The following SPOCK3 variants were observed in gnomAD, a reference collection of about 807,000 sequenced individuals.
The protein encoded by SPOCK3 is testican-3.
SPOCK3 carries 30 observed loss-of-function variants against 56.6 expected under a neutral mutation model. That is an observed-to-expected ratio of 0.53 (90% confidence interval 0.40 to 0.72). The LOEUF (loss-of-function observed/expected upper bound fraction) is 0.72. Ranked by LOEUF, SPOCK3 falls within the 30% of genes least tolerant of loss-of-function variation. The pLI is 0.00. For missense variants in SPOCK3, 527 were observed against 530.0 expected (o/e 0.99, Z 0.06); for synonymous variants, 196 against 183.3 (o/e 1.07, Z -0.56).
intron 6 of SPOCK3, among the ~76,000 whole-genome samples, chr4:166,845,878 C>T (rs191148495): frequency 1.1e-4 from 17 of 152,228 alleles, no homozygotes; most frequent in East Asian, 9.7e-4. Context: ...TTGGTCCTTT[C>T]GTGAACATCA....
At chr4:166,955,821 G>T (rs1041348521) in intron 4 of SPOCK3, among the ~76,000 whole-genome samples, 3 of 151,184 alleles carry the variant, frequency 2.0e-5, no homozygotes, top group Admixed American at 2.0e-4. Context: ...TTCCCTCTTA[G>T]GTGACTCACA....
intron 2 of SPOCK3, among the ~76,000 whole-genome samples, chr4:167,161,820 C>T (rs1405864460): frequency 1.4e-5 from 2 of 137,982 alleles, no homozygotes; most frequent in Admixed American, 1.7e-4. Context: ...TGTTCTCACT[C>T]ATAGGTGGGA....
At chr4:167,039,627 G>A (rs1221960889) in intron 3 of SPOCK3, among the ~76,000 whole-genome samples, 2 of 151,474 alleles carry the variant, frequency 1.3e-5, no homozygotes, top group East Asian at 3.9e-4. Context: ...AATTTAAAAT[G>A]AGTAGAGGAT....
intron 3 of SPOCK3, among the ~76,000 whole-genome samples, chr4:167,060,141 T>TAG (rs991550955): frequency 6.6e-6 from 1 of 151,386 alleles, no homozygotes; most frequent in African/African-American, 2.4e-5. Context: ...CCCTAAAACT[T>TAG]AAAGTATAAT....
At chr4:167,111,309 A>T (rs79017560) in intron 2 of SPOCK3, among the ~76,000 whole-genome samples, 7,103 of 152,126 alleles carry the variant, frequency 0.047, 227 homozygotes, top group African/African-American at 0.082. Context: ...CATATTTTGC[A>T]ATTGCAGCAC....
Position 166,877,491 on chromosome 4 carries a change from C to T in SPOCK3, c.589+11639G>A, listed in dbSNP as rs182539194. ...TAAGCTAAATACAAATAAATATAAA[C>T]GTATTATTAGGCAAATGTAACAGTA... is the stretch of plus-strand genomic sequence containing the variant. On this transcript the variant is annotated intron_variant, in intron 6 of 10. Coordinates refer to ENST00000357545, the MANE Select transcript of SPOCK3 (RefSeq NM_001040159.2). Among the ~76,000 whole-genome samples the T allele has an allele frequency of 7.2e-5, 11 of 151,938 alleles. No individual in the cohort carries two copies. The East Asian group carries it at 1.4e-3, about 19-fold the overall frequency.
intron 5 of SPOCK3, among the ~76,000 whole-genome samples, chr4:166,907,684 T>G (rs1294861761): frequency 1.3e-5 from 2 of 151,964 alleles, no homozygotes; most frequent in Non-Finnish European, 2.9e-5. Context: ...GAGGTTTACC[T>G]CGCAGAATAT....
chr4:167,229,539 G>A, intron 2 of SPOCK3, among the ~76,000 whole-genome samples: 1 of 152,004 alleles, frequency 6.6e-6, no homozygotes, highest in African/African-American at 2.4e-5. Context: ...CTAAGTTCCA[G>A]GAAATATCCC....
rs141383759 is a variant in SPOCK3 at position 166,850,795 on chromosome 4, C to T, written c.589+38335G>A. On this transcript the variant is annotated intron_variant, in intron 6 of 10. Coordinates refer to ENST00000357545, the MANE Select transcript of SPOCK3 (RefSeq NM_001040159.2). ...AACGGTGCAACAGGAGATTATATCCCGCACCTGGCTCGGAGGGTCCTACAC... is the reference window on the plus strand; with the variant it reads ...AACGGTGCAACAGGAGATTATATCCTGCACCTGGCTCGGAGGGTCCTACAC... 7.8e-4 allele frequency among the ~76,000 whole-genome samples: 119 copies of T among 152,278 alleles called. 3 individuals carry two copies. The East Asian group carries it at 0.022, about 28-fold the overall frequency.
At chr4:167,011,754 G>GT (rs1417863675) in intron 3 of SPOCK3, among the ~76,000 whole-genome samples, 9 of 152,026 alleles carry the variant, frequency 5.9e-5, no homozygotes, top group African/African-American at 2.2e-4. Context: ...AAGACCTATT[G>GT]CTTTTATTGA....
chr4:167,172,521 G>A (rs1332800364), intron 2 of SPOCK3, among the ~76,000 whole-genome samples: 7 of 151,990 alleles, frequency 4.6e-5, no homozygotes, highest in Admixed American at 4.6e-4. Context: ...CCTTTTGATA[G>A]TTCACATTAG....
At chr4:166,955,141 A>G (rs1398657916) in intron 4 of SPOCK3, among the ~76,000 whole-genome samples, 2 of 152,190 alleles carry the variant, frequency 1.3e-5, no homozygotes, top group Admixed American at 6.6e-5. Flanking sequence ...TTTTAATTAA[A>G]TAGTCTACAA....
chr4:166,956,683 T>G (rs1743518388), intron 4 of SPOCK3, among the ~76,000 whole-genome samples: 1 of 152,074 alleles, frequency 6.6e-6, no homozygotes, highest in South Asian at 2.1e-4. Context: ...GAGTACCGTA[T>G]TACCAAAAAC....
At chr4:166,883,732 C>A (rs1303841003) in intron 6 of SPOCK3, among the ~76,000 whole-genome samples, 2 of 152,192 alleles carry the variant, frequency 1.3e-5, no homozygotes, top group Non-Finnish European at 2.9e-5. Flanking sequence ...CTCGTGACAA[C>A]AGCATATGAA....
At chr4:167,089,956 T>C (rs987957920) in intron 2 of SPOCK3, among the ~76,000 whole-genome samples, 2 of 2,064 alleles carry the variant, frequency 9.7e-4, no homozygotes, top group African/African-American at 3.6e-3. Context: ...TGTTCAGTAG[T>C]CTGGGTTTTT....
intron 2 of SPOCK3, among the ~76,000 whole-genome samples, chr4:167,200,273 C>A (rs562720540): frequency 1.3e-5 from 2 of 152,148 alleles, no homozygotes; most frequent in East Asian, 3.9e-4. Flanking sequence ...CAAAGAAACA[C>A]AACAGCATCT....
rs1020397845 is a variant in SPOCK3 at position 166,928,418 on chromosome 4, G to C, written c.351-15675C>G. On this transcript the variant is annotated intron_variant, in intron 4 of 10. Coordinates refer to ENST00000357545, the MANE Select transcript of SPOCK3 (RefSeq NM_001040159.2). ...AAAAATAAACTTTAATGCAGTAACT[G>C]GAAGAAGCCAACCAGGAAAGGCTAC... 2.0e-5 allele frequency among the ~76,000 whole-genome samples: 3 copies of C among 152,132 alleles called. 1 individual carries two copies. The highest frequency in any genetic ancestry group is 7.2e-5 in the African/African-American group (3 of 41,422).
At chr4:166,967,369 T>G (rs1007657489) in intron 4 of SPOCK3, among the ~76,000 whole-genome samples, 2 of 152,220 alleles carry the variant, frequency 1.3e-5, no homozygotes, top group African/African-American at 4.8e-5. Flanking sequence ...GGTTTGGCTC[T>G]GTGTCCACCA....
chr4:166,976,968 G>T (rs961655970), intron 4 of SPOCK3, among the ~76,000 whole-genome samples: 3 of 151,380 alleles, frequency 2.0e-5, no homozygotes, highest in African/African-American at 7.3e-5. Flanking sequence ...TATATGCAAA[G>T]AAACAAATTG....
Sources: allele counts gnomAD v4.1 joint callset (sites outside exome capture counted in the v4.1 genomes callset), GRCh38; gene constraint gnomAD v4.1.1; transcripts MANE v1.5; gene names NCBI Gene and HGNC (gene_info 2026-07-23, HGNC 2026-07-21).